PRKN: variants seen among roughly 807,000 people sequenced by gnomAD.
PRKN encodes parkin RBR E3 ubiquitin protein ligase.
PRKN carries 56 observed loss-of-function variants against 59.5 expected under a neutral mutation model. The ratio of observed to expected loss-of-function variants is 0.94; its 90% confidence interval spans 0.76 to 1.18. The LOEUF (loss-of-function observed/expected upper bound fraction) is 1.18. PRKN is among the 50% of genes most tolerant of loss of function. The pLI is 0.00. For synonymous variants in PRKN, 250 were observed against 222.1 expected (o/e 1.13, Z -1.12); for missense variants, 657 against 596.4 (o/e 1.10, Z -1.06).
intron 7 of PRKN, among the ~76,000 whole-genome samples, chr6:161,600,201 T>C (rs1374026325): frequency 6.6e-6 from 1 of 152,232 alleles, no homozygotes; most frequent in Non-Finnish European, 1.5e-5. Flanking sequence ...CATCCTTTTC[T>C]GTTATTTCTC....
At chr6:162,307,301 G>T (rs1782276230) in intron 2 of PRKN, among the ~76,000 whole-genome samples, 1 of 151,784 alleles carries the variant, frequency 6.6e-6, no homozygotes, top group Admixed American at 6.6e-5. Context: ...TCAGGAAGCT[G>T]AGGCAGGAGA....
At chr6:162,385,586 G>A (rs931026520) in intron 2 of PRKN, among the ~76,000 whole-genome samples, 10 of 151,942 alleles carry the variant, frequency 6.6e-5, no homozygotes, top group Admixed American at 2.0e-4. Context: ...ACTTGACTGC[G>A]CGCTATTTCA....
chr6:162,306,470 T>G (rs550051070), intron 2 of PRKN, among the ~76,000 whole-genome samples: 27 of 152,186 alleles, frequency 1.8e-4, no homozygotes, highest in African/African-American at 6.5e-4. Flanking sequence ...ATGTTATTCT[T>G]TCCACACCAT....
chr6:162,313,407 T>A (rs1466084791), intron 2 of PRKN, among the ~76,000 whole-genome samples: 1 of 152,188 alleles, frequency 6.6e-6, no homozygotes. Flanking sequence ...AAGGTCTTTG[T>A]TGCTGCATGT....
rs1456475912 is a variant in PRKN, at chr6:161,435,112, A to G, written c.1084-48235T>C. ...TGTGAACAGACAGATCTGGTGAGAC[A>G]GCATGGGAAGAAATAACACATGGGC... On this transcript the variant is annotated intron_variant, in intron 9 of 11. Coordinates refer to ENST00000366898, the MANE Select transcript of PRKN (RefSeq NM_004562.3). 2.0e-5 allele frequency among the ~76,000 whole-genome samples: 3 copies of G among 152,218 alleles called. No homozygotes were observed. In the East Asian group the frequency reaches 5.8e-4, roughly 29 times the overall value.
At chr6:162,685,262 G>A (rs942195756) in intron 1 of PRKN, among the ~76,000 whole-genome samples, 1 of 152,124 alleles carries the variant, frequency 6.6e-6, no homozygotes, top group Non-Finnish European at 1.5e-5. Flanking sequence ...CATCTTTACA[G>A]CACAGCTGGT....
chr6:161,360,548 C>A lies in PRKN; in HGVS notation c.1168-343G>T, dbSNP rs2114861050. On this transcript the variant is annotated intron_variant, in intron 10 of 11. Coordinates refer to ENST00000366898, the MANE Select transcript of PRKN (RefSeq NM_004562.3). This position sits in a 1 kb window ranked among gnomAD's most constrained non-coding sequence, Gnocchi z 5.1. The stretch of plus-strand genomic sequence containing the variant: ...GCTCAAATACACTTCTCATTAGACA[C>A]TTCATCAGATGTGAAGTGAGGATCT... Among the ~76,000 whole-genome samples the A allele has an allele frequency of 6.6e-6, 1 of 152,336 alleles. No homozygotes were observed. The highest frequency in any genetic ancestry group is 2.4e-5 in the African/African-American group (1 of 41,584).
chr6:162,546,443 T>C (rs1425681088), intron 1 of PRKN, among the ~76,000 whole-genome samples: 1 of 151,816 alleles, frequency 6.6e-6, no homozygotes, highest in Non-Finnish European at 1.5e-5. Context: ...AAGGAAAATT[T>C]AGCCATTTGA....
chr6:161,445,073 G>A lies in PRKN; in HGVS notation c.1084-58196C>T, dbSNP rs1169316053. On this transcript the variant is annotated intron_variant, in intron 9 of 11. Transcript: ENST00000366898. The surrounding 1 kb of genome is among the most constrained non-coding windows in gnomAD (Gnocchi z 7.7). Reference sequence around the variant, plus strand: ...ATTCCAAGAGTAGACTGGGCTTCAGGGACCAGATGCCAGGGCTGGCACATC... The same window carrying A: ...ATTCCAAGAGTAGACTGGGCTTCAGAGACCAGATGCCAGGGCTGGCACATC... Among the ~76,000 whole-genome samples the A allele has an allele frequency of 6.6e-6, 1 of 151,964 alleles. No homozygotes were observed. The highest frequency in any genetic ancestry group is 2.4e-5 in the African/African-American group (1 of 41,362).
At chr6:161,938,300 G>T (rs1046015326) in intron 6 of PRKN, among the ~76,000 whole-genome samples, 1 of 152,184 alleles carries the variant, frequency 6.6e-6, no homozygotes, top group African/African-American at 2.4e-5. Flanking sequence ...AGGACTTCAA[G>T]AGAGTTTACC....
chr6:161,669,036 A>C (rs1389105683), intron 7 of PRKN, among the ~76,000 whole-genome samples: 1 of 152,196 alleles, frequency 6.6e-6, no homozygotes, highest in Non-Finnish European at 1.5e-5. Flanking sequence ...TTAGGCCACG[A>C]GGGTGGAGTG....
chr6:162,677,083 A>AG (rs1491264890), intron 1 of PRKN, among the ~76,000 whole-genome samples: 1 of 126,436 alleles, frequency 7.9e-6, no homozygotes, highest in Non-Finnish European at 1.7e-5. Flanking sequence ...AAAAAAAAAA[A>AG]TGACCTAAGA....
At chr6:162,713,834 T>G (rs943333274) in intron 1 of PRKN, among the ~76,000 whole-genome samples, 3 of 152,200 alleles carry the variant, frequency 2.0e-5, no homozygotes, top group African/African-American at 7.2e-5. Context: ...AACTCAGCAT[T>G]ATATCCAGAC....
intron 1 of PRKN, among the ~76,000 whole-genome samples, chr6:162,495,625 C>T (rs1167504402): frequency 6.6e-6 from 1 of 152,206 alleles, no homozygotes; most frequent in Non-Finnish European, 1.5e-5. Flanking sequence ...GAGCAAACGT[C>T]ATCTTGGTCC....
chr6:162,567,494 T>TC (rs1346491261), intron 1 of PRKN, among the ~76,000 whole-genome samples: 6 of 151,908 alleles, frequency 3.9e-5, no homozygotes, highest in Admixed American at 3.9e-4. Flanking sequence ...GTGAAATAAA[T>TC]AAAAGAAATT....
At chr6:162,596,547 T>C (rs1370611516) in intron 1 of PRKN, among the ~76,000 whole-genome samples, 7 of 152,156 alleles carry the variant, frequency 4.6e-5, no homozygotes, top group Admixed American at 6.5e-5. Context: ...AATAAAGCAA[T>C]TGTCTTCTCT....
chr6:161,607,387 G>A (rs1326571409), intron 7 of PRKN, among the ~76,000 whole-genome samples: 1 of 151,834 alleles, frequency 6.6e-6, no homozygotes, highest in African/African-American at 2.4e-5. Flanking sequence ...AAACTGAAAA[G>A]GAAACAGAAA....
At chr6:161,464,559 T>C (rs192894777) in intron 9 of PRKN, among the ~76,000 whole-genome samples, 1 of 152,088 alleles carries the variant, frequency 6.6e-6, no homozygotes, top group Admixed American at 6.5e-5. Context: ...CTGAAAAAGG[T>C]TTTCTCACGC....
At chr6:161,799,285 G>T (rs1790982100) in intron 6 of PRKN, among the ~76,000 whole-genome samples, 1 of 152,176 alleles carries the variant, frequency 6.6e-6, no homozygotes, top group Non-Finnish European at 1.5e-5. Context: ...CAATGTTTAT[G>T]TTCTCAGTGA....
Sources: gnomAD v4.1 joint callset for allele counts (sites outside exome capture counted in the v4.1 genomes callset) on GRCh38, gnomAD v4.1.1 for gene constraint, Gnocchi (gnomAD v3.1) non-coding constraint, MANE v1.5 for transcripts, NCBI Gene and HGNC (gene_info 2026-07-23, HGNC 2026-07-21) for gene names.